The following TJP1 variants were observed in gnomAD, a reference collection of about 807,000 sequenced individuals.
TJP1 encodes tight junction protein ZO-1.
A neutral mutation model predicts 194.2 loss-of-function variants in TJP1; 43 were observed. That is an observed-to-expected ratio of 0.22 (90% CI 0.17 to 0.29). TJP1 has a LOEUF of 0.29. TJP1 is among the 10% of genes least tolerant of loss of function. The probability of loss-of-function intolerance (pLI) is 1.00; values close to 1 mark genes in which losing one functional copy is unlikely to be tolerated. For synonymous variants in TJP1, 801 were observed against 779.0 expected, an observed-to-expected ratio of 1.03 and a Z score of -0.47; for missense variants, 1,971 against 2,185.7, an observed-to-expected ratio of 0.90 and a Z score of 1.96.
At chr15:29,827,980 T>C (rs2050725603) in intron 2 of TJP1, among the ~76,000 whole-genome samples, 1 of 152,224 alleles carries the variant, frequency 6.6e-6, no homozygotes, top group African/African-American at 2.4e-5. Context: ...CAAGTAATAC[T>C]GGCATACAGT....
At chr15:29,721,622 T>C (rs2042933528) in intron 18 of TJP1, among the ~76,000 whole-genome samples, 1 of 151,980 alleles carries the variant, frequency 6.6e-6, no homozygotes, top group African/African-American at 2.4e-5. Flanking sequence ...TACCTGAAAA[T>C]GTGGAAGCAG....
chr15:29,878,833 C>T (rs780620810), intron 2 of TJP1, among the ~76,000 whole-genome samples: 7 of 152,014 alleles, frequency 4.6e-5, no homozygotes, highest in Non-Finnish European at 7.4e-5. Flanking sequence ...TATTAATTAA[C>T]GCCCATGCTG....
At chr15:29,764,596 A>G (rs45614136) in intron 5 of TJP1, among the ~76,000 whole-genome samples, 116 of 152,230 alleles carry the variant, frequency 7.6e-4, no homozygotes, top group African/African-American at 2.6e-3. Flanking sequence ...TGGGATGGAT[A>G]AGAGTGGTAT....
chr15:29,784,190 T>C (rs2151753822), intron 2 of TJP1, among the ~76,000 whole-genome samples: 1 of 152,258 alleles, frequency 6.6e-6, no homozygotes. Flanking sequence ...CTGAAAGAGT[T>C]TACATCACTG....
intron 22 of TJP1, 100 bp from the exon 23 acceptor site, chr15:29,716,938 T>C: frequency 1.0e-6 from 1 of 986,122 alleles, no homozygotes; most frequent in Non-Finnish European, 1.5e-6. Flanking sequence ...GGTCAATAAT[T>C]ACTAACTGCT....
chr15:29,723,015 T>C (rs532940792), intron 18 of TJP1, among the ~76,000 whole-genome samples: 1 of 152,332 alleles, frequency 6.6e-6, no homozygotes, highest in South Asian at 2.1e-4. Context: ...CTTTGTATCT[T>C]GGAAGTAACT....
At position 29,732,673 on chromosome 15, in the gene TJP1, G is replaced by T. The variant is rs199612181; in HGVS notation, c.1879C>A (p.Gln627Lys). Residue 627 changes from glutamine (Q) to lysine (K), a missense_variant, in exon 14 of 28, where the codon CAA becomes AAA. Gln to Lys is a moderately conservative substitution (Grantham distance 53, BLOSUM62 1). Around this residue, in one of 5 missense-constraint regions of TJP1, gnomAD observed 402 missense variants for 484.2 expected, o/e 0.83. Coordinates refer to ENST00000614355, the MANE Select transcript of TJP1 (RefSeq NM_001330239.4). ...CTTTCATAAGCTGGAAACTTTGTTT[G>T]AACAGGCTGAGCGGACAAATCCTCT... ...SREDLSAQPV[Q>K]TKFPAYERVV... 3 of 1,614,090 alleles carry T rather than the reference G, an allele frequency of 1.9e-6. No homozygotes were observed. The highest frequency in any genetic ancestry group is 1.7e-6 in the Non-Finnish European group (2 of 1,180,008).
At chr15:29,879,141 A>C (rs907486137) in intron 2 of TJP1, among the ~76,000 whole-genome samples, 7 of 152,160 alleles carry the variant, frequency 4.6e-5, no homozygotes, top group African/African-American at 1.7e-4. Context: ...TAATAATAAA[A>C]AAATAAAAAA....
intron 1 of TJP1, among the ~76,000 whole-genome samples, chr15:29,801,162 G>A (rs1400103724): frequency 6.6e-6 from 1 of 152,130 alleles, no homozygotes; most frequent in Non-Finnish European, 1.5e-5. Flanking sequence ...AATAGGTTTG[G>A]CAAATGGCTG....
intron 2 of TJP1, among the ~76,000 whole-genome samples, chr15:29,781,435 T>C (rs1369635301): frequency 3.3e-5 from 5 of 152,062 alleles, no homozygotes; most frequent in Non-Finnish European, 7.4e-5. Context: ...TCCCAAAAAC[T>C]GAAGAGGAGG....
intron 8 of TJP1, among the ~76,000 whole-genome samples, chr15:29,748,958 G>A (rs796230198): frequency 1.7e-3 from 44 of 26,396 alleles, no homozygotes; most frequent in African/African-American, 3.4e-3. Flanking sequence ...GTGTGTGCGC[G>A]TGTGTGCGCG....
intron 5 of TJP1, among the ~76,000 whole-genome samples, chr15:29,764,127 G>A (rs1013059929): frequency 6.6e-6 from 1 of 152,186 alleles, no homozygotes; most frequent in Non-Finnish European, 1.5e-5. Context: ...GCAATTTGCA[G>A]TCAGTGAAAA....
intron 2 of TJP1, among the ~76,000 whole-genome samples, chr15:29,852,915 AAC>A (rs2051700311): frequency 6.6e-6 from 1 of 152,028 alleles, no homozygotes; most frequent in Non-Finnish European, 1.5e-5. Context: ...AAAAAAAAAA[AAC>A]AAAAAAACTT....
At chr15:29,713,464 A>G (rs1422628865) in intron 23 of TJP1, among the ~76,000 whole-genome samples, 1 of 152,208 alleles carries the variant, frequency 6.6e-6, no homozygotes, top group South Asian at 2.1e-4. Context: ...ATTATTTTCC[A>G]TATCTAATTC....
chr15:29,744,243 A>T (rs1388797482), intron 8 of TJP1, among the ~76,000 whole-genome samples: 1 of 152,230 alleles, frequency 6.6e-6, no homozygotes, highest in Admixed American at 6.5e-5. Flanking sequence ...GTAGGGAAAG[A>T]TATGGAGAAA....
chr15:29,725,372 G>A (rs45451205), intron 18 of TJP1, among the ~76,000 whole-genome samples: 4,667 of 152,246 alleles, frequency 0.031, 103 homozygotes, highest in Non-Finnish European at 0.051. Context: ...TAGAGGACAT[G>A]GGGGGTCCTA....
chr15:29,936,184 C>T (rs1312761070), intron 2 of TJP1, among the ~76,000 whole-genome samples: 1 of 152,068 alleles, frequency 6.6e-6, no homozygotes, highest in Non-Finnish European at 1.5e-5. Context: ...CAGGGCCCTC[C>T]ATTCTCCCTT....
In TJP1 at chr15:29,901,951, T is replaced by C. The variant is rs2053648333; in HGVS notation, c.306+54281A>G. ...CTTTGTACCAGCCCGTAATTCTGCATTTGCTTTTATTTTCTTAGTAAGATG... is the reference window on the plus strand; with the variant it reads ...CTTTGTACCAGCCCGTAATTCTGCACTTGCTTTTATTTTCTTAGTAAGATG... On this transcript the variant is annotated intron_variant, in intron 2 of 28. Transcript: ENST00000356107. Among the ~76,000 whole-genome samples the C allele has an allele frequency of 5.9e-5, 9 of 152,288 alleles. No homozygotes were observed. In the South Asian group the frequency reaches 1.9e-3, roughly 32 times the overall value.
intron 2 of TJP1, among the ~76,000 whole-genome samples, chr15:29,930,732 G>C (rs1206331019): frequency 6.6e-6 from 1 of 152,182 alleles, no homozygotes; most frequent in East Asian, 1.9e-4. Context: ...GCCTGACATG[G>C]AAGTAAGACA....
Sources: gnomAD v4.1 joint callset for allele counts (sites outside exome capture counted in the v4.1 genomes callset) on GRCh38, gnomAD v4.1.1 for gene constraint, gnomAD v4.1.1 regional missense constraint, MANE v1.5 for transcripts, NCBI Gene and HGNC (gene_info 2026-07-23, HGNC 2026-07-21) for gene names.